THEM4: variants seen among roughly 807,000 people sequenced by gnomAD.
THEM4 encodes acyl-coenzyme A thioesterase THEM4.
In THEM4, 22 loss-of-function variants were observed where a neutral mutation model predicts 25.0. The ratio of observed to expected loss-of-function variants is 0.88; its 90% CI spans 0.63 to 1.26. The LOEUF is 1.26. THEM4 is among the 50% of genes most tolerant of loss of function. The pLI, the probability that THEM4 is intolerant of heterozygous loss-of-function variation, is 0.00. For missense variants in THEM4, 286 were observed against 300.3 expected (o/e 0.95, Z 0.35); for synonymous variants, 113 against 105.6 (o/e 1.07, Z -0.43).
intron 4 of THEM4, among the ~76,000 whole-genome samples, chr1:151,878,615 C>G (rs1653739436): frequency 1.3e-5 from 2 of 152,118 alleles, no homozygotes; most frequent in African/African-American, 4.8e-5. Context: ...AAGAGTTGCC[C>G]TTGTAACAGA....
At chr1:151,877,960 T>G (rs1653726293) in intron 4 of THEM4, among the ~76,000 whole-genome samples, 1 of 152,130 alleles carries the variant, frequency 6.6e-6, no homozygotes, top group African/African-American at 2.4e-5. Flanking sequence ...CTACCCCAGG[T>G]AGAAAGGAAG....
Position 151,909,329 on chromosome 1 carries a change from C to G in THEM4, c.99+31G>C, listed in dbSNP as rs1025056903. On this transcript the variant is annotated intron_variant, in intron 1 of 5. Transcript: ENST00000368814. ...GCAGGCGTGTTTCTGAGTCCTGCTC[C>G]CGCCCCATGCCCGAGGGTGCCCAGA... 4.7e-6 allele frequency: 7 copies of G among 1,502,830 alleles called. No homozygotes were observed. In the African/African-American group the frequency reaches 1.0e-4, roughly 22 times the overall value. 93.1% of individuals were successfully genotyped at this position (1,502,830 alleles called of 1,614,324 possible).
chr1:151,889,400 T>A (rs1209327816), intron 2 of THEM4, 27 bp from the exon 3 acceptor site: 2 of 1,608,220 alleles, frequency 1.2e-6, no homozygotes, highest in South Asian at 2.2e-5. Context: ...GGATGGCAAA[T>A]GAGAAACAAG....
intron 5 of THEM4, among the ~76,000 whole-genome samples, chr1:151,875,715 G>A (rs1296584703): frequency 6.6e-6 from 1 of 151,996 alleles, no homozygotes; most frequent in Non-Finnish European, 1.5e-5. Flanking sequence ...AGATCACACC[G>A]AGAAGTCATT....
At position 151,896,009 on chromosome 1, in the gene THEM4, T is replaced by C. The variant is rs201340111; in HGVS notation, c.100-815A>G. 7.6e-4 allele frequency among the ~76,000 whole-genome samples: 114 copies of C among 149,804 alleles called. No homozygotes were observed. In the East Asian group the frequency reaches 0.021, roughly 27 times the overall value. ...CTTCCTTTTTTTTTTTTTTTTTTTT[T>C]TGAGACAGAGTCCCACTCTGTTGTC... On this transcript the variant is annotated intron_variant, in intron 1 of 5. Coordinates refer to ENST00000368814, the MANE Select transcript of THEM4 (RefSeq NM_053055.5).
chr1:151,901,204 G>A (rs997176544), intron 1 of THEM4, among the ~76,000 whole-genome samples: 4 of 152,174 alleles, frequency 2.6e-5, no homozygotes, highest in African/African-American at 9.7e-5. Flanking sequence ...CTATATTTCT[G>A]TGTGTCTTTA....
intron 2 of THEM4, chr1:151,889,667 T>G: frequency 4.0e-6 from 1 of 251,198 alleles, no homozygotes; most frequent in South Asian, 1.3e-4. Context: ...ATATACTGAA[T>G]AAAATGGTAC....
chr1:151,890,368 G>T, intron 2 of THEM4: 1 of 242,572 alleles, frequency 4.1e-6, no homozygotes, highest in Non-Finnish European at 9.0e-6. Flanking sequence ...TCAAAATAAA[G>T]ATTGAAAGCC....
At chr1:151,890,370 T>C (rs1389193462) in intron 2 of THEM4, 7 of 245,290 alleles carry the variant, frequency 2.9e-5, no homozygotes, top group Middle Eastern at 4.4e-4. Flanking sequence ...AAAATAAAGA[T>C]TGAAAGCCAT....
intron 1 of THEM4, among the ~76,000 whole-genome samples, chr1:151,908,237 G>C (rs1240263660): frequency 6.6e-6 from 1 of 152,202 alleles, no homozygotes; most frequent in Non-Finnish European, 1.5e-5. Context: ...AAAGTTTTGT[G>C]CGAAAGGATT....
chr1:151,888,885 G>T (rs1654026196), intron 3 of THEM4, among the ~76,000 whole-genome samples: 1 of 454 alleles, frequency 2.2e-3, no homozygotes, highest in African/African-American at 9.1e-3. Flanking sequence ...ATGCAAATAT[G>T]AAAAAAAAGA....
chr1:151,887,634 GTT>G (rs1385969166), intron 4 of THEM4, among the ~76,000 whole-genome samples: 4 of 151,770 alleles, frequency 2.6e-5, no homozygotes, highest in Admixed American at 1.3e-4. Context: ...GTGTGTGTGT[GTT>G]TTTGTTGTTG....
intron 4 of THEM4, among the ~76,000 whole-genome samples, chr1:151,882,629 A>G (rs896147106): frequency 5.9e-5 from 9 of 152,180 alleles, no homozygotes; most frequent in Non-Finnish European, 1.2e-4. Context: ...TTATCTGCCA[A>G]ATGACTTAGT....
chr1:151,876,690 C>T (rs1204666714), intron 5 of THEM4, among the ~76,000 whole-genome samples: 1 of 152,024 alleles, frequency 6.6e-6, no homozygotes, highest in African/African-American at 2.4e-5. Flanking sequence ...CTCAAGTGAT[C>T]CTCCCACCTT....
At position 151,906,877 on chromosome 1, in the gene THEM4, C is replaced by A. The variant is rs151103911; in HGVS notation, c.99+2483G>T. Among the ~76,000 whole-genome samples, 452 of 152,182 alleles carry A rather than the reference C, an allele frequency of 3.0e-3. 1 individual carries two copies. The highest frequency in any genetic ancestry group is 0.01 in the African/African-American group (423 of 41,508). The stretch of plus-strand genomic sequence containing the variant: ...GGATTGTAAATGCACCAATCAGGGC[C>A]CTGTCAAAACAGACCACTTGGCTCT... On this transcript the variant is annotated intron_variant, in intron 1 of 5. Coordinates refer to ENST00000368814, the MANE Select transcript of THEM4 (RefSeq NM_053055.5).
chr1:151,884,079 T>TAATAAATAAATA lies in THEM4; in HGVS notation c.557+4182_557+4193dup, dbSNP rs146748985. Among the ~76,000 whole-genome samples, 35 of 144,290 alleles carry TAATAAATAAATA rather than the reference T, an allele frequency of 2.4e-4. 1 individual carries two copies. The highest frequency in any genetic ancestry group is 1.4e-3 in the East Asian group (7 of 4,832). The allele number at this position is 144,290 out of a possible 152,430, so 94.7% of individuals were successfully genotyped here. On this transcript the variant is annotated intron_variant, in intron 4 of 5. Coordinates refer to ENST00000368814, the MANE Select transcript of THEM4 (RefSeq NM_053055.5). ...GGCAGAGTGAGACTCTGTCTCAAAATAATAAATAAATAAATAAATAAATAA... is the reference window on the plus strand; with the variant it reads ...GGCAGAGTGAGACTCTGTCTCAAAATAATAAATAAATAAATAAATAAATAAATAAATAAATAA...
chr1:151,880,331 A>T (rs1214728339), intron 4 of THEM4, among the ~76,000 whole-genome samples: 5 of 152,102 alleles, frequency 3.3e-5, no homozygotes, highest in African/African-American at 1.2e-4. Context: ...GAAAAAAATT[A>T]GCCAGGCATG....
rs1653578018 is a variant in THEM4, at chr1:151,872,614, T to C, written c.*2274A>G. Among the ~76,000 whole-genome samples the C allele has an allele frequency of 6.6e-6, 1 of 152,228 alleles. No individual in the cohort carries two copies. Among genetic ancestry groups the C allele is most frequent in the African/African-American group, 2.4e-5 (1 of 41,456 alleles). On this transcript the variant is annotated 3_prime_UTR_variant, in exon 6 of 6. Coordinates refer to ENST00000368814, the MANE Select transcript of THEM4 (RefSeq NM_053055.5). ...AGAAAATTGCTTTGCCTTGAGATGCTGTTAATCTGTAACTTTAGCCCCAAC... is the reference window on the plus strand; with the variant it reads ...AGAAAATTGCTTTGCCTTGAGATGCCGTTAATCTGTAACTTTAGCCCCAAC...
At chr1:151,889,111 T>C in intron 3 of THEM4, 103 bp downstream of exon 3, 2 of 821,970 alleles carry the variant, frequency 2.4e-6, no homozygotes, top group South Asian at 4.3e-5. Context: ...TATACATCTA[T>C]GTGACCATTT....
Sources: allele counts gnomAD v4.1 joint callset (sites outside exome capture counted in the v4.1 genomes callset), GRCh38; gene constraint gnomAD v4.1.1; transcripts MANE v1.5; gene names NCBI Gene and HGNC (gene_info 2026-07-23, HGNC 2026-07-21).